Variants in CRPPA observed in about 807,000 individuals in gnomAD.
The protein encoded by CRPPA is D-ribitol-5-phosphate cytidylyltransferase.
CRPPA carries 43 observed loss-of-function variants against 52.0 expected under a neutral mutation model. The ratio of observed to expected loss-of-function variants is 0.83; its 90% CI spans 0.65 to 1.07. The LOEUF is 1.07. Ranked by LOEUF, CRPPA falls within the 50% of genes least tolerant of loss-of-function variation. The pLI is 0.00. For synonymous variants in CRPPA, 250 were observed against 203.5 expected (o/e 1.23, Z -1.94); for missense variants, 629 against 551.7 (o/e 1.14, Z -1.40).
intron 9 of CRPPA, among the ~76,000 whole-genome samples, chr7:16,131,870 C>T (rs1424568398): frequency 6.6e-6 from 1 of 152,130 alleles, no homozygotes; most frequent in Non-Finnish European, 1.5e-5. Context: ...GCCACTGCAC[C>T]CAGCCACCAC....
chr7:16,400,717 G>C (rs745655267), intron 2 of CRPPA, among the ~76,000 whole-genome samples: 1 of 152,156 alleles, frequency 6.6e-6, no homozygotes, highest in Non-Finnish European at 1.5e-5. Flanking sequence ...TTACACGTTT[G>C]TGACACGTGA....
chr7:16,355,471 C>T (rs188251395), intron 3 of CRPPA, among the ~76,000 whole-genome samples: 113 of 152,254 alleles, frequency 7.4e-4, no homozygotes, highest in African/African-American at 2.6e-3. Flanking sequence ...ATGCCTATTG[C>T]GCTCATGTAA....
intron 3 of CRPPA, among the ~76,000 whole-genome samples, chr7:16,351,573 AC>A (rs1786153665): frequency 6.6e-6 from 1 of 152,148 alleles, no homozygotes. Context: ...TGAAAAAAAA[AC>A]AAACAAACAA....
intron 2 of CRPPA, among the ~76,000 whole-genome samples, chr7:16,396,916 T>C (rs1345492541): frequency 6.6e-6 from 1 of 152,134 alleles, no homozygotes; most frequent in Non-Finnish European, 1.5e-5. Context: ...GAAAGACAAA[T>C]GTGACATGTG....
chr7:16,353,640 A>G (rs1786217807), intron 3 of CRPPA, among the ~76,000 whole-genome samples: 1 of 152,174 alleles, frequency 6.6e-6, no homozygotes, highest in Non-Finnish European at 1.5e-5. Flanking sequence ...ACCTGAGGTC[A>G]GGAGTTTGAG....
chr7:16,331,651 A>T (rs1306919176), intron 3 of CRPPA, among the ~76,000 whole-genome samples: 4 of 152,152 alleles, frequency 2.6e-5, no homozygotes, highest in African/African-American at 9.7e-5. Context: ...GGTAGGTGGA[A>T]CTCTTAAGAA....
At chr7:16,246,380 C>T (rs1783274351) in intron 8 of CRPPA, among the ~76,000 whole-genome samples, 1 of 152,156 alleles carries the variant, frequency 6.6e-6, no homozygotes, top group Admixed American at 6.6e-5. Context: ...GTTACTTCCC[C>T]TGTTGAAGTC....
intron 9 of CRPPA, among the ~76,000 whole-genome samples, chr7:16,106,624 C>A (rs1528161): frequency 1 from 151,617 of 152,316 alleles, 75,464 homozygotes; most frequent in East Asian, 1. Context: ...GTCTAGGCTA[C>A]ATAGTGAAGA....
chr7:16,387,346 A>G (rs1436738357), intron 2 of CRPPA, among the ~76,000 whole-genome samples: 1 of 151,888 alleles, frequency 6.6e-6, no homozygotes, highest in Non-Finnish European at 1.5e-5. Context: ...GTAAATTCTG[A>G]AGCAAATAAA....
At chr7:16,268,247 T>A (rs1397755392) in intron 6 of CRPPA, among the ~76,000 whole-genome samples, 2 of 152,148 alleles carry the variant, frequency 1.3e-5, no homozygotes, top group African/African-American at 4.8e-5. Context: ...ACCTCCATTT[T>A]CCACCTAGTT....
chr7:16,263,678 G>T (rs1200551775), intron 6 of CRPPA, among the ~76,000 whole-genome samples: 1 of 152,078 alleles, frequency 6.6e-6, no homozygotes, highest in East Asian at 1.9e-4. Flanking sequence ...CTTGAACCTG[G>T]GAGGCAGAGG....
At chr7:16,252,736 G>T (rs1783494625) in intron 8 of CRPPA, among the ~76,000 whole-genome samples, 1 of 152,032 alleles carries the variant, frequency 6.6e-6, no homozygotes, top group Non-Finnish European at 1.5e-5. Flanking sequence ...GTCTGGTCCT[G>T]GATTTTTTTT....
chr7:16,106,431 GA>G (rs939810142), intron 9 of CRPPA, among the ~76,000 whole-genome samples: 1 of 152,142 alleles, frequency 6.6e-6, no homozygotes, highest in African/African-American at 2.4e-5. Flanking sequence ...AGTCTGACCA[GA>G]AGCTACTACA....
At chr7:16,387,188 G>C (rs73071078) in intron 2 of CRPPA, among the ~76,000 whole-genome samples, 23,188 of 148,842 alleles carry the variant, frequency 0.16, 2,086 homozygotes, top group Admixed American at 0.2. Context: ...TGGTACAAAA[G>C]TAATTGCAGT....
At chr7:16,255,600 G>T (rs9918730) in intron 8 of CRPPA, among the ~76,000 whole-genome samples, 1 of 152,084 alleles carries the variant, frequency 6.6e-6, no homozygotes, top group Non-Finnish European at 1.5e-5. Flanking sequence ...CAGATATATA[G>T]ACCAATGGAA....
At chr7:16,376,740 A>G (rs1373777113) in intron 2 of CRPPA, among the ~76,000 whole-genome samples, 2 of 152,208 alleles carry the variant, frequency 1.3e-5, no homozygotes, top group Non-Finnish European at 2.9e-5. Flanking sequence ...TCTAATTCAC[A>G]AGGAAAAACA....
chr7:16,215,051 C>A (rs1782267094), intron 9 of CRPPA, among the ~76,000 whole-genome samples: 2 of 152,086 alleles, frequency 1.3e-5, no homozygotes, highest in South Asian at 2.1e-4. Flanking sequence ...TAAAACAAAA[C>A]CAAGGGATTA....
chr7:16,271,703 G>A (rs192453553), intron 6 of CRPPA, among the ~76,000 whole-genome samples: 1 of 152,246 alleles, frequency 6.6e-6, no homozygotes, highest in Admixed American at 6.5e-5. Context: ...TTCACTTACT[G>A]CCTTCCACTC....
chr7:16,420,638 A>G (rs932290724), intron 1 of CRPPA, among the ~76,000 whole-genome samples: 2 of 152,226 alleles, frequency 1.3e-5, no homozygotes, highest in African/African-American at 4.8e-5. Context: ...ATGAATGAAA[A>G]AAACGAACAC....
Sources: allele counts gnomAD v4.1 joint callset (sites outside exome capture counted in the v4.1 genomes callset), GRCh38; gene constraint gnomAD v4.1.1; transcripts MANE v1.5; gene names NCBI Gene and HGNC (gene_info 2026-07-23, HGNC 2026-07-21).